The following PIK3C2G variants were observed in gnomAD, a reference collection of about 807,000 sequenced individuals.
PIK3C2G encodes the protein phosphatidylinositol-4-phosphate 3-kinase catalytic subunit type 2 gamma.
Under a neutral mutation model 181.1 loss-of-function variants are expected in PIK3C2G, and 168 were observed. That is an observed-to-expected ratio of 0.93 (90% CI 0.82 to 1.05). The LOEUF is 1.05. Ranked by LOEUF, PIK3C2G falls within the 50% of genes least tolerant of loss-of-function variation. The pLI is 0.00. For synonymous variants in PIK3C2G, 573 were observed against 592.2 expected (o/e 0.97, Z 0.47); for missense variants, 1,869 against 1,732.8 (o/e 1.08, Z -1.40).
chr12:18,271,575 C>T (rs1453234353), intron 1 of PIK3C2G, among the ~76,000 whole-genome samples: 8 of 152,186 alleles, frequency 5.3e-5, no homozygotes, highest in South Asian at 4.1e-4. Flanking sequence ...CTTACCAGGG[C>T]CACAAGTGGA....
chr12:18,412,252 C>T (rs1331281232), intron 16 of PIK3C2G, among the ~76,000 whole-genome samples: 1 of 152,126 alleles, frequency 6.6e-6, no homozygotes, highest in Admixed American at 6.6e-5. Context: ...AACTTATGGC[C>T]ACATAACAAT....
intron 30 of PIK3C2G, among the ~76,000 whole-genome samples, chr12:18,607,937 G>C (rs984642321): frequency 6.6e-6 from 1 of 152,056 alleles, no homozygotes; most frequent in Non-Finnish European, 1.5e-5. Context: ...GCAGCCAAAA[G>C]ACACATGAAA....
At chr12:18,246,960 A>C (rs1439011112), upstream of PIK3C2G, among the ~76,000 whole-genome samples, 1 of 152,204 alleles carries the variant, frequency 6.6e-6, no homozygotes, top group East Asian at 1.9e-4. Flanking sequence ...CATTTGAGAT[A>C]GTCTTATAAT....
At chr12:18,329,430 G>T (rs1434512564) in intron 8 of PIK3C2G, among the ~76,000 whole-genome samples, 3 of 151,888 alleles carry the variant, frequency 2.0e-5, no homozygotes, top group Non-Finnish European at 2.9e-5. Flanking sequence ...AAAGGATTTT[G>T]TAGACTTTCT....
intron 18 of PIK3C2G, among the ~76,000 whole-genome samples, chr12:18,427,788 A>G (rs866366406): frequency 6.6e-6 from 1 of 152,112 alleles, no homozygotes; most frequent in Non-Finnish European, 1.5e-5. Context: ...TTTCGAAAAA[A>G]AAAATCAAGC....
At chr12:18,290,244 C>T (rs1949632690) in intron 3 of PIK3C2G, among the ~76,000 whole-genome samples, 1 of 152,124 alleles carries the variant, frequency 6.6e-6, no homozygotes, top group Non-Finnish European at 1.5e-5. Context: ...AGGCTTCTGG[C>T]TCCAAGGATA....
chr12:18,265,317 A>G (rs948704347), intron 1 of PIK3C2G, among the ~76,000 whole-genome samples: 1 of 152,214 alleles, frequency 6.6e-6, no homozygotes, highest in Non-Finnish European at 1.5e-5. Context: ...ATGAATAAAT[A>G]CAAAATTAAA....
At chr12:18,446,783 TAG>T (rs1947053484) in intron 18 of PIK3C2G, among the ~76,000 whole-genome samples, 1 of 152,170 alleles carries the variant, frequency 6.6e-6, no homozygotes, top group African/African-American at 2.4e-5. Context: ...TATGTCAAAA[TAG>T]AGTCTTTATT....
chr12:18,482,241 CTCT>C lies in PIK3C2G; in HGVS notation c.2505-6201_2505-6199del, dbSNP rs755593045. On this transcript the variant is annotated intron_variant, in intron 18 of 32. Transcript: ENST00000538779. ...ATAGAAGATATGATCTGTTATTTCACTCTTCTTCTCTTTCTTTTTTGGCTGTAA... is the reference window on the plus strand; with the variant it reads ...ATAGAAGATATGATCTGTTATTTCACTCTTCTCTTTCTTTTTTGGCTGTAA... 1.4e-4 allele frequency among the ~76,000 whole-genome samples: 20 copies of C among 143,926 alleles called. No homozygotes were observed. In the East Asian group the frequency reaches 1.9e-3, roughly 13 times the overall value. 94.4% of individuals were successfully genotyped at this position (143,926 alleles called of 152,430 possible). A position where few individuals can be genotyped will look rare whatever the true frequency, so the allele number is the denominator to read the frequency against.
At chr12:18,576,320 T>C (rs542855238) in intron 29 of PIK3C2G, among the ~76,000 whole-genome samples, 1 of 152,206 alleles carries the variant, frequency 6.6e-6, no homozygotes, top group Non-Finnish European at 1.5e-5. Context: ...GGTTGCCTAG[T>C]GCCATGCCCA....
chr12:18,338,627 T>A, intron 9 of PIK3C2G, 79 bp downstream of exon 9: 2 of 913,414 alleles, frequency 2.2e-6, no homozygotes, highest in Non-Finnish European at 3.5e-6. Context: ...GACTTTTTAC[T>A]AACAACTATA....
intron 8 of PIK3C2G, among the ~76,000 whole-genome samples, chr12:18,330,251 A>C (rs1041923264): frequency 2.6e-5 from 4 of 152,166 alleles, no homozygotes; most frequent in African/African-American, 9.6e-5. Flanking sequence ...AGGTAACAAC[A>C]ACTGGAATGA....
intron 24 of PIK3C2G, among the ~76,000 whole-genome samples, chr12:18,522,521 G>GTT (rs200633495): frequency 1.4e-5 from 2 of 143,538 alleles, no homozygotes; most frequent in Non-Finnish European, 1.5e-5. Flanking sequence ...TTGTTGGCAG[G>GTT]TTTTTTTTTT....
the PIK3C2G span, among the ~76,000 whole-genome samples, chr12:18,663,680 G>A: frequency 6.6e-6 from 1 of 151,796 alleles, no homozygotes; most frequent in Admixed American, 6.6e-5. Context: ...TTATGATGTT[G>A]GATTTGGCAA....
intron 11 of PIK3C2G, among the ~76,000 whole-genome samples, chr12:18,352,876 T>C (rs1475435594): frequency 6.6e-6 from 1 of 152,136 alleles, no homozygotes; most frequent in Non-Finnish European, 1.5e-5. Context: ...TCTTCTTTCC[T>C]TCTCTGCCAC....
downstream of PIK3C2G, among the ~76,000 whole-genome samples, chr12:18,651,374 C>T (rs1950510437): frequency 6.6e-6 from 1 of 152,164 alleles, no homozygotes; most frequent in South Asian, 2.1e-4. Context: ...CCAGATCTTT[C>T]CTACTCTACA....
At chr12:18,699,756 A>G in the PIK3C2G span, 1 of 1,583,462 alleles carries the variant, frequency 6.3e-7, no homozygotes, top group Non-Finnish European at 8.7e-7. Flanking sequence ...AATCTAACTC[A>G]TTTAAACATT....
intron 18 of PIK3C2G, among the ~76,000 whole-genome samples, chr12:18,431,487 T>C (rs1946156794): frequency 6.6e-6 from 1 of 152,110 alleles, no homozygotes; most frequent in South Asian, 2.1e-4. Context: ...AGACATCCAG[T>C]GAGTAAAAAA....
chr12:18,701,588 T>C, the PIK3C2G span: 1 of 1,612,174 alleles, frequency 6.2e-7, no homozygotes. Flanking sequence ...ATTCCAATAC[T>C]TCTGATTCTT....
Sources: allele counts gnomAD v4.1 joint callset (sites outside exome capture counted in the v4.1 genomes callset), GRCh38; gene constraint gnomAD v4.1.1; transcripts MANE v1.5; gene names NCBI Gene and HGNC (gene_info 2026-07-23, HGNC 2026-07-21).